Variants in STAM2 observed in about 807,000 individuals in gnomAD.
STAM2 encodes the protein signal transducing adapter molecule 2.
A neutral mutation model predicts 65.6 loss-of-function variants in STAM2; 51 were observed. The ratio of observed to expected loss-of-function variants is 0.78; its 90% CI spans 0.62 to 0.98. STAM2 has a LOEUF of 0.98. Ranked by LOEUF, STAM2 falls within the 50% of genes least tolerant of loss-of-function variation. STAM2 has a pLI of 0.00. For synonymous variants in STAM2, 198 were observed against 208.4 expected, an observed-to-expected ratio of 0.95 and a Z score of 0.43; for missense variants, 584 against 617.8, an observed-to-expected ratio of 0.95 and a Z score of 0.58.
intron 7 of STAM2, among the ~76,000 whole-genome samples, chr2:152,139,039 CA>C (rs1689201888): frequency 6.6e-6 from 1 of 152,140 alleles, no homozygotes; most frequent in South Asian, 2.1e-4. Context: ...AACTCCTTCC[CA>C]GCCCTAATCC....
intron 9 of STAM2, 35 bp from the exon 10 acceptor site, chr2:152,133,295 A>G (rs1472827290): frequency 1.3e-6 from 2 of 1,559,370 alleles, no homozygotes; most frequent in Non-Finnish European, 8.8e-7. Context: ...CAAAAACTCA[A>G]GAGTTTTAAC....
intron 1 of STAM2, among the ~76,000 whole-genome samples, chr2:152,153,350 G>T (rs1471587711): frequency 1.3e-5 from 2 of 150,990 alleles, no homozygotes; most frequent in African/African-American, 4.9e-5. Flanking sequence ...CAGGAAAGAT[G>T]GTAGGAATCC....
At chr2:152,141,345 G>A (rs1689243279) in intron 7 of STAM2, among the ~76,000 whole-genome samples, 1 of 151,698 alleles carries the variant, frequency 6.6e-6, no homozygotes, top group African/African-American at 2.4e-5. Context: ...AGATCAGCCT[G>A]GCCAACATGG....
chr2:152,153,671 T>C (rs1689487097), intron 1 of STAM2, among the ~76,000 whole-genome samples: 1 of 152,212 alleles, frequency 6.6e-6, no homozygotes, highest in Non-Finnish European at 1.5e-5. Flanking sequence ...ACTCAGGTTT[T>C]CACCTTCTTC....
rs781132076 is a variant in STAM2, at chr2:152,120,566, A to G, written c.*8T>C. On this transcript the variant is annotated 3_prime_UTR_variant, in exon 14 of 14. Transcript: ENST00000263904. ...ATGAAGGCTTTCAAGAAAATGCTTG[A>G]TTTGTTTCTAAAGGAGAGGCTGCTG... The G allele has an allele frequency of 9.9e-6, 16 of 1,612,948 alleles. No homozygotes were observed. Among genetic ancestry groups the G allele is most frequent in the Non-Finnish European group, 1.4e-5 (16 of 1,179,066 alleles).
At chr2:152,164,500 G>A (rs1274483587) in intron 1 of STAM2, among the ~76,000 whole-genome samples, 1 of 152,074 alleles carries the variant, frequency 6.6e-6, no homozygotes, top group African/African-American at 2.4e-5. Flanking sequence ...GCGCCACCAC[G>A]CCGGGCTAAT....
At chr2:152,126,794 C>T (rs991186708) in intron 11 of STAM2, among the ~76,000 whole-genome samples, 2 of 152,196 alleles carry the variant, frequency 1.3e-5, no homozygotes, top group African/African-American at 2.4e-5. Flanking sequence ...TCTCCATTTG[C>T]AACTTTGTAA....
intron 5 of STAM2, among the ~76,000 whole-genome samples, chr2:152,146,930 A>G (rs1470401622): frequency 6.6e-6 from 1 of 152,232 alleles, no homozygotes; most frequent in East Asian, 1.9e-4. Context: ...GTAGACTTAG[A>G]GGAACATTAA....
intron 11 of STAM2, among the ~76,000 whole-genome samples, chr2:152,131,167 AT>A (rs1426916662): frequency 6.6e-6 from 1 of 152,122 alleles, no homozygotes; most frequent in African/African-American, 2.4e-5. Context: ...TAAGAATTCA[AT>A]TCTTGGCCAG....
intron 11 of STAM2, among the ~76,000 whole-genome samples, chr2:152,128,643 CA>C (rs1560210722): frequency 6.6e-6 from 1 of 152,032 alleles, no homozygotes. Flanking sequence ...GCAACTTGAT[CA>C]GGTGGTAGAA....
chr2:152,137,620 T>C (rs1006484966), intron 7 of STAM2, among the ~76,000 whole-genome samples: 4 of 152,010 alleles, frequency 2.6e-5, no homozygotes, highest in Non-Finnish European at 5.9e-5. Flanking sequence ...TTTTTTCCCC[T>C]ATGCAATCAA....
chr2:152,139,563 T>C (rs1314571859), intron 7 of STAM2, among the ~76,000 whole-genome samples: 1 of 152,130 alleles, frequency 6.6e-6, no homozygotes, highest in Non-Finnish European at 1.5e-5. Context: ...TCATACCCTA[T>C]CTATAAAAAC....
At chr2:152,162,203 T>TA (rs958829428) in intron 1 of STAM2, among the ~76,000 whole-genome samples, 2 of 152,224 alleles carry the variant, frequency 1.3e-5, no homozygotes, top group Non-Finnish European at 2.9e-5. Flanking sequence ...TTAAAAACAA[T>TA]AATAGCAATT....
intron 7 of STAM2, among the ~76,000 whole-genome samples, chr2:152,140,678 G>A (rs561472133): frequency 6.6e-6 from 1 of 152,306 alleles, no homozygotes; most frequent in Admixed American, 6.5e-5. Context: ...AACTGTCCTT[G>A]AAAGTAAAGT....
In STAM2 at chr2:152,175,616, G is replaced by C. The variant is rs1560228836; in HGVS notation, c.27C>G (p.Phe9Leu). 6.2e-7 allele frequency: 1 copy of C among 1,613,820 alleles called. No homozygotes were observed. The highest frequency in any genetic ancestry group is 1.1e-5 in the South Asian group (1 of 91,058). Residue 9 changes from phenylalanine (F) to leucine (L), a missense_variant, in exon 1 of 14, where the codon TTC becomes TTG. Transcript: ENST00000263904. ...CACAGCACTCACCCACGTCTTGCTC[G>C]AAGGGGTTGGCGGTGAACAAAGGCA... MPLFTANPFEQDVEKATNE... is the reference protein window; with the variant it reads MPLFTANPLEQDVEKATNE...
At chr2:152,147,486 T>C (rs1242261154) in intron 4 of STAM2, among the ~76,000 whole-genome samples, 178 bp from the exon 5 acceptor site, 1 of 152,248 alleles carries the variant, frequency 6.6e-6, no homozygotes, top group Non-Finnish European at 1.5e-5. Flanking sequence ...TGTTGTGATA[T>C]AGTTGTTTCA....
chr2:152,123,742 A>AT lies in STAM2; in HGVS notation c.1349+23dup, dbSNP rs1579309655. 2.5e-5 allele frequency: 40 copies of AT among 1,611,614 alleles called. No homozygotes were observed. In the East Asian group the frequency reaches 8.0e-4, roughly 32 times the overall value. On this transcript the variant is annotated intron_variant, in intron 13 of 13. Transcript: ENST00000263904. ...ATCTAGGAAAATTAACACATATAAAATTAACACAGCTCCCAAAACTTACCT... is the reference window on the plus strand; with the variant it reads ...ATCTAGGAAAATTAACACATATAAAATTTAACACAGCTCCCAAAACTTACCT...
chr2:152,164,890 A>G (rs546367429), intron 1 of STAM2, among the ~76,000 whole-genome samples: 1 of 152,216 alleles, frequency 6.6e-6, no homozygotes, highest in East Asian at 1.9e-4. Context: ...AAAGGCAAAA[A>G]TCCTGGGGCC....
At chr2:152,154,219 G>A (rs1408867994) in intron 1 of STAM2, among the ~76,000 whole-genome samples, 1 of 152,248 alleles carries the variant, frequency 6.6e-6, no homozygotes, top group East Asian at 1.9e-4. Flanking sequence ...ATCACTCAGT[G>A]GTGGTGGAAA....
Sources: gnomAD v4.1 joint callset for allele counts (sites outside exome capture counted in the v4.1 genomes callset) on GRCh38, gnomAD v4.1.1 for gene constraint, MANE v1.5 for transcripts, NCBI Gene and HGNC (gene_info 2026-07-23, HGNC 2026-07-21) for gene names.